The following SLIT3 variants were observed in gnomAD, a reference collection of about 807,000 sequenced individuals.
SLIT3 encodes slit homolog 3 protein.
Under a neutral mutation model 184.0 loss-of-function variants are expected in SLIT3, and 68 were observed. The ratio of observed to expected loss-of-function variants is 0.37; its 90% CI spans 0.30 to 0.45. The LOEUF is 0.45. SLIT3 is among the 20% of genes least tolerant of loss of function. The pLI is 1.00. For synonymous variants in SLIT3, 831 were observed against 828.6 expected, an observed-to-expected ratio of 1.00 and a Z score of -0.05; for missense variants, 1,707 against 2,026.0, an observed-to-expected ratio of 0.84 and a Z score of 3.02.
At chr5:169,041,209 T>C (rs1313736645) in intron 4 of SLIT3, among the ~76,000 whole-genome samples, 1 of 152,240 alleles carries the variant, frequency 6.6e-6, no homozygotes, top group Admixed American at 6.5e-5. Flanking sequence ...CTACTTCACA[T>C]GGCTCTCTCA....
intron 1 of SLIT3, among the ~76,000 whole-genome samples, chr5:169,276,969 A>G (rs925600363): frequency 2.6e-5 from 4 of 152,226 alleles, no homozygotes; most frequent in Non-Finnish European, 5.9e-5. Context: ...GGCACTAAGT[A>G]CATTCACAAT....
intron 4 of SLIT3, among the ~76,000 whole-genome samples, chr5:168,898,667 T>C (rs1001125906): frequency 2.0e-5 from 3 of 152,258 alleles, no homozygotes; most frequent in Non-Finnish European, 4.4e-5. Flanking sequence ...AGTTTTTTTC[T>C]TCCTTTCTTT....
intron 4 of SLIT3, among the ~76,000 whole-genome samples, chr5:168,965,634 A>G (rs1406516254): frequency 6.6e-6 from 1 of 152,196 alleles, no homozygotes; most frequent in East Asian, 1.9e-4. Flanking sequence ...GCACTTTGAC[A>G]TACCAGTGTA....
intron 8 of SLIT3, among the ~76,000 whole-genome samples, chr5:168,807,636 C>T (rs1167464785): frequency 6.6e-6 from 1 of 152,182 alleles, no homozygotes; most frequent in African/African-American, 2.4e-5. Flanking sequence ...ATGACTGAGA[C>T]CAAACTTAGA....
chr5:169,075,350 C>G (rs186318746), intron 4 of SLIT3, among the ~76,000 whole-genome samples: 1 of 152,106 alleles, frequency 6.6e-6, no homozygotes, highest in African/African-American at 2.4e-5. Context: ...AAAGTACATA[C>G]GTAGGGAAAT....
At chr5:168,693,219 T>C (rs1024398363) in intron 28 of SLIT3, among the ~76,000 whole-genome samples, 1 of 152,126 alleles carries the variant, frequency 6.6e-6, no homozygotes, top group Non-Finnish European at 1.5e-5. Context: ...AAGGGCAAAC[T>C]TTGTGGAAGC....
intron 4 of SLIT3, among the ~76,000 whole-genome samples, chr5:168,928,346 A>C (rs1761894225): frequency 6.6e-6 from 1 of 152,356 alleles, no homozygotes; most frequent in Admixed American, 6.5e-5. Context: ...GTAATGATTA[A>C]ATTTTAGAAC....
At chr5:168,897,443 G>C (rs991291574) in intron 4 of SLIT3, among the ~76,000 whole-genome samples, 3 of 152,112 alleles carry the variant, frequency 2.0e-5, no homozygotes, top group African/African-American at 7.2e-5. Flanking sequence ...CAGAGAGAGG[G>C]AGAGAAAGAC....
chr5:168,697,844 C>T (rs1762105670), intron 27 of SLIT3, among the ~76,000 whole-genome samples: 1 of 152,192 alleles, frequency 6.6e-6, no homozygotes. Flanking sequence ...TCTGAAAGTC[C>T]TAAACCATGG....
At chr5:168,677,905 C>A (rs192149692) in intron 32 of SLIT3, among the ~76,000 whole-genome samples, 1 of 152,164 alleles carries the variant, frequency 6.6e-6, no homozygotes, top group South Asian at 2.1e-4. Context: ...CCTGGAAGAA[C>A]CTGCCTATGG....
intron 9 of SLIT3, among the ~76,000 whole-genome samples, chr5:168,798,300 T>C (rs1756647758): frequency 2.0e-5 from 3 of 150,084 alleles, no homozygotes; most frequent in Non-Finnish European, 4.4e-5. Flanking sequence ...CATGACTCAC[T>C]GCAACCTTGA....
chr5:168,928,430 G>T (rs978922868), intron 4 of SLIT3, among the ~76,000 whole-genome samples: 1 of 152,196 alleles, frequency 6.6e-6, no homozygotes, highest in African/African-American at 2.4e-5. Context: ...ACCACCGTGA[G>T]AGTTCACACT....
rs562159529 is a variant in SLIT3 at position 169,013,536 on chromosome 5, T to G, written c.414-130200A>C. The stretch of plus-strand genomic sequence containing the variant: ...GAGACCTGACCACAGGTTTCGTTTT[T>G]CAAAGGGCTACCTGGATGCTTATTA... On this transcript the variant is annotated intron_variant, in intron 4 of 35. Transcript: ENST00000519560. 3.3e-5 allele frequency among the ~76,000 whole-genome samples: 5 copies of G among 152,318 alleles called. No individual in the cohort carries two copies. In the East Asian group the frequency reaches 9.6e-4, roughly 29 times the overall value.
chr5:169,008,761 T>C (rs932017922), intron 4 of SLIT3, among the ~76,000 whole-genome samples: 1 of 152,142 alleles, frequency 6.6e-6, no homozygotes, highest in Non-Finnish European at 1.5e-5. Context: ...TTGCATCCTC[T>C]TTTTCAAATG....
At chr5:168,725,406 C>T (rs1048868256) in intron 20 of SLIT3, among the ~76,000 whole-genome samples, 9 of 152,198 alleles carry the variant, frequency 5.9e-5, no homozygotes, top group Non-Finnish European at 2.9e-5. Context: ...TTGCTGTAAA[C>T]CCCTTTCTCC....
chr5:168,714,923 C>G (rs1468386725), intron 23 of SLIT3, among the ~76,000 whole-genome samples: 1 of 152,198 alleles, frequency 6.6e-6, no homozygotes, highest in East Asian at 1.9e-4. Flanking sequence ...CAGATGAGGG[C>G]ACCATCAGGG....
chr5:169,001,309 C>T (rs1755695874), intron 4 of SLIT3, among the ~76,000 whole-genome samples: 1 of 152,174 alleles, frequency 6.6e-6, no homozygotes, highest in Admixed American at 6.5e-5. Flanking sequence ...AAACCACCCC[C>T]ACATATTAAT....
At chr5:169,250,224 A>T (rs923571176) in intron 2 of SLIT3, among the ~76,000 whole-genome samples, 15 of 152,180 alleles carry the variant, frequency 9.9e-5, no homozygotes, top group Admixed American at 8.5e-4. Context: ...TGTTACCACT[A>T]TGTAATACTG....
At chr5:168,782,855 C>A (rs994350574) in intron 12 of SLIT3, among the ~76,000 whole-genome samples, 1 of 152,110 alleles carries the variant, frequency 6.6e-6, no homozygotes, top group African/African-American at 2.4e-5. Flanking sequence ...ACAATAAATG[C>A]GTGTTTATAC....
Sources: allele counts gnomAD v4.1 joint callset (sites outside exome capture counted in the v4.1 genomes callset), GRCh38; gene constraint gnomAD v4.1.1; transcripts MANE v1.5; gene names NCBI Gene and HGNC (gene_info 2026-07-23, HGNC 2026-07-21).